KCTD6: variants seen among roughly 807,000 people sequenced by gnomAD.
The protein encoded by KCTD6 is BTB/POZ domain-containing protein KCTD6.
A neutral mutation model predicts 18.7 loss-of-function variants in KCTD6; 6 were observed. The ratio of observed to expected loss-of-function variants is 0.32; its 90% CI spans 0.18 to 0.63. KCTD6 has a LOEUF of 0.63. Ranked by LOEUF, KCTD6 falls within the 30% of genes least tolerant of loss-of-function variation. The pLI is 0.79. For missense variants in KCTD6, 165 were observed against 300.2 expected (o/e 0.55, Z 3.33); for synonymous variants, 86 against 108.5 (o/e 0.79, Z 1.29).
chr3:58,492,509 G>T lies in KCTD6; in HGVS notation c.-44+340G>T, dbSNP rs1008806229. Among the ~76,000 whole-genome samples the T allele has an allele frequency of 6.6e-6, 1 of 152,012 alleles. No individual in the cohort carries two copies. Among genetic ancestry groups the T allele is most frequent in the East Asian group, 1.9e-4 (1 of 5,168 alleles). ...CCCCTGGCCGGGTCGGGTTGCGGGG[G>T]CTTCGCTGGCGGGGCAGCAGCGAAG... On this transcript the variant is annotated intron_variant, in intron 1 of 2. Transcript: ENST00000404589. This position sits in a 1 kb window ranked among gnomAD's most constrained non-coding sequence, Gnocchi z 6.1.
At position 58,502,160 on chromosome 3, in the gene KCTD6, C is replaced by T. The variant is rs2063207764; in HGVS notation, c.*528C>T. The T allele has an allele frequency of 6.6e-6, 1 of 152,464 alleles. No homozygotes were observed. The highest frequency in any genetic ancestry group is 2.4e-5 in the African/African-American group (1 of 41,376). 9.4% of individuals were successfully genotyped at this position (152,464 alleles called of 1,614,324 possible). On this transcript the variant is annotated 3_prime_UTR_variant, in exon 3 of 3. Transcript: ENST00000404589. ...CTTTTTACAGTTATGACAACTGTTT[C>T]TTTCTATGCATATAAATCAAGGAAC...
Position 58,497,129 on chromosome 3 carries a change from G to A in KCTD6, c.-43-1584G>A, listed in dbSNP as rs1366544263. Among the ~76,000 whole-genome samples, 1 of 152,192 alleles carries A rather than the reference G, an allele frequency of 6.6e-6. No individual in the cohort carries two copies. The highest frequency in any genetic ancestry group is 2.4e-5 in the African/African-American group (1 of 41,458). The stretch of plus-strand genomic sequence containing the variant: ...ATTTCTCACCCCATAGCATGTGGAG[G>A]CCTGTCTATATCCAACTGCTGAGTG... On this transcript the variant is annotated intron_variant, in intron 1 of 2. Coordinates refer to ENST00000404589, the MANE Select transcript of KCTD6 (RefSeq NM_001128214.2). This position sits in a 1 kb window ranked among gnomAD's most constrained non-coding sequence, Gnocchi z 4.2.
chr3:58,495,300 G>C (rs1242971878), intron 1 of KCTD6, among the ~76,000 whole-genome samples: 1 of 152,104 alleles, frequency 6.6e-6, no homozygotes, highest in Non-Finnish European at 1.5e-5. Context: ...GTGCCAGAAG[G>C]GAGAGAAGAT....
rs1272466786 is a variant in KCTD6, at chr3:58,493,542, G to A, written c.-44+1373G>A. Among the ~76,000 whole-genome samples, 1 of 152,190 alleles carries A rather than the reference G, an allele frequency of 6.6e-6. No homozygotes were observed. The highest frequency in any genetic ancestry group is 1.5e-5 in the Non-Finnish European group (1 of 68,032). On this transcript the variant is annotated intron_variant, in intron 1 of 2. Transcript: ENST00000404589. The surrounding 1 kb of genome is among the most constrained non-coding windows in gnomAD (Gnocchi z 4.5). ...AAAGAAGTTCCTTCTGAGATCAGGA[G>A]CTCAGGTGTTTGGTGAACTCTGGGA... is the stretch of plus-strand genomic sequence containing the variant.
In KCTD6 at chr3:58,502,326, A is replaced by AC. The variant is rs1344188786; in HGVS notation, c.*694_*695insC. 8 of 152,554 alleles carry AC rather than the reference A, an allele frequency of 5.2e-5. No homozygotes were observed. Among genetic ancestry groups the AC allele is most frequent in the African/African-American group, 1.9e-4 (8 of 41,538 alleles). The allele number at this position is 152,554 out of a possible 1,614,324, so 9.5% of individuals were successfully genotyped here. A position where few individuals can be genotyped will look rare whatever the true frequency, so the allele number is the denominator to read the frequency against. ...AGTGTACTGTCTACCAGAAAAAAAAAACAAAACTAATAAAAAATGAAATAT... is the reference window on the plus strand; with the variant it reads ...AGTGTACTGTCTACCAGAAAAAAAAACACAAAACTAATAAAAAATGAAATAT... On this transcript the variant is annotated 3_prime_UTR_variant, in exon 3 of 3. Coordinates refer to ENST00000404589, the MANE Select transcript of KCTD6 (RefSeq NM_001128214.2).
intron 1 of KCTD6, chr3:58,494,179 GA>G (rs1008514912): frequency 6.6e-6 from 1 of 152,140 alleles, no homozygotes; most frequent in African/African-American, 2.4e-5. Context: ...AGGAGAAAGA[GA>G]AAATGATTAC....
rs546820355 is a variant in KCTD6 at position 58,501,675 on chromosome 3, A to C, written c.*43A>C. 8.1e-7 allele frequency: 1 copy of C among 1,227,086 alleles called. No individual in the cohort carries two copies. The highest frequency in any genetic ancestry group is 3.6e-5 in the South Asian group (1 of 28,056). The allele number at this position is 1,227,086 out of a possible 1,614,324, so 76.0% of individuals were successfully genotyped here. A position where few individuals can be genotyped will look rare whatever the true frequency, so the allele number is the denominator to read the frequency against. On this transcript the variant is annotated 3_prime_UTR_variant, in exon 3 of 3. Coordinates refer to ENST00000404589, the MANE Select transcript of KCTD6 (RefSeq NM_001128214.2). This position sits in a 1 kb window ranked among gnomAD's most constrained non-coding sequence, Gnocchi z 9.7. ...GGTTCCTGGAAAGACTCTCCAGGAAATGGAAGATACTGATTTTTTTTTTTA... is the reference window on the plus strand; with the variant it reads ...GGTTCCTGGAAAGACTCTCCAGGAACTGGAAGATACTGATTTTTTTTTTTA...
At position 58,496,863 on chromosome 3, in the gene KCTD6, C is replaced by G. The variant is rs1429461286; in HGVS notation, c.-43-1850C>G. On this transcript the variant is annotated intron_variant, in intron 1 of 2. Coordinates refer to ENST00000404589, the MANE Select transcript of KCTD6 (RefSeq NM_001128214.2). This position sits in a 1 kb window ranked among gnomAD's most constrained non-coding sequence, Gnocchi z 5.1. Reference sequence around the variant, plus strand: ...CTGAATGAATGATTATTGAGGCTGTCAGAATGAATACTTTGGGTGATGGGA... The same window carrying G: ...CTGAATGAATGATTATTGAGGCTGTGAGAATGAATACTTTGGGTGATGGGA... Among the ~76,000 whole-genome samples, 1 of 152,178 alleles carries G rather than the reference C, an allele frequency of 6.6e-6. No individual in the cohort carries two copies. The highest frequency in any genetic ancestry group is 1.9e-4 in the East Asian group (1 of 5,200).
At chr3:58,500,586 G>GA (rs1056278666) in intron 2 of KCTD6, among the ~76,000 whole-genome samples, 1 of 151,834 alleles carries the variant, frequency 6.6e-6, no homozygotes, top group African/African-American at 2.4e-5. Context: ...AAAAAAATCA[G>GA]AAAAAAATAA....
At position 58,498,883 on chromosome 3, in the gene KCTD6, T is replaced by G; in HGVS notation, c.27+101T>G. 2.1e-6 allele frequency: 2 copies of G among 948,234 alleles called. No homozygotes were observed. Among genetic ancestry groups the G allele is most frequent in the Non-Finnish European group, 3.2e-6 (2 of 616,970 alleles). 58.7% of individuals were successfully genotyped at this position (948,234 alleles called of 1,614,324 possible). A position where few individuals can be genotyped will look rare whatever the true frequency, so the allele number is the denominator to read the frequency against. ...AGGTATATCTTATAAGAAAAGAAAA[T>G]TGTGAATTTGTGTAACCTCTCTTCC... is the stretch of plus-strand genomic sequence containing the variant. On this transcript the variant is annotated intron_variant, in intron 2 of 2. Transcript: ENST00000404589. This position sits in a 1 kb window ranked among gnomAD's most constrained non-coding sequence, Gnocchi z 4.6.
At chr3:58,495,064 C>T (rs918237268) in intron 1 of KCTD6, among the ~76,000 whole-genome samples, 3 of 152,114 alleles carry the variant, frequency 2.0e-5, no homozygotes, top group Non-Finnish European at 4.4e-5. Context: ...TGTTTGTGCT[C>T]GGTTGCATTT....
At chr3:58,500,775 C>T (rs2063201366) in intron 2 of KCTD6, among the ~76,000 whole-genome samples, 171 bp from the exon 3 acceptor site, 1 of 152,062 alleles carries the variant, frequency 6.6e-6, no homozygotes, top group South Asian at 2.1e-4. Context: ...TAGATCACTT[C>T]ATCTGGGTGG....
Position 58,498,466 on chromosome 3 carries a change from AG to A in KCTD6, c.-43-246del, listed in dbSNP as rs1478259567. ...TTCCTCCTTCTCTTAAGTACAGTAT[AG>A]TTCTTTCTCTGAAAATCTTCAGTCT... On this transcript the variant is annotated intron_variant, in intron 1 of 2. Transcript: ENST00000404589. The surrounding 1 kb of genome is among the most constrained non-coding windows in gnomAD (Gnocchi z 4.6). 1 of 417,578 alleles carries A rather than the reference AG, an allele frequency of 2.4e-6. No homozygotes were observed. Among genetic ancestry groups the A allele is most frequent in the East Asian group, 4.9e-5 (1 of 20,506 alleles). The allele number at this position is 417,578 out of a possible 1,614,324, so 25.9% of individuals were successfully genotyped here.
In KCTD6 at chr3:58,501,236, T is replaced by A; in HGVS notation, c.318T>A (p.Asn106Lys). 6.2e-7 allele frequency: 1 copy of A among 1,614,202 alleles called. No individual in the cohort carries two copies. Among genetic ancestry groups the A allele is most frequent in the Non-Finnish European group, 8.5e-7 (1 of 1,180,038 alleles). Residue 106 changes from asparagine (N) to lysine (K), a missense_variant, in exon 3 of 3, where the codon AAT becomes AAA. Physicochemically the swap from Asn to Lys is moderately conservative, Grantham distance 94 (BLOSUM62 0). This residue lies in a region of KCTD6 where 106 missense variants were observed against 230.4 expected (regional missense o/e 0.46). Transcript: ENST00000404589. The surrounding 1 kb of genome is among the most constrained non-coding windows in gnomAD (Gnocchi z 9.7). Reference protein sequence around the residue: ...YQIEPLIQCLNDPKPLYPMDT... With the variant: ...YQIEPLIQCLKDPKPLYPMDT... ...TTGAGCCCTTGATTCAGTGTCTCAA[T>A]GATCCTAAGCCTTTGTATCCCATGG...
Position 58,492,379 on chromosome 3 carries a change from C to T in KCTD6, c.-44+210C>T, listed in dbSNP as rs927364549. 2.7e-5 allele frequency among the ~76,000 whole-genome samples: 4 copies of T among 150,044 alleles called. No homozygotes were observed. Among genetic ancestry groups the T allele is most frequent in the East Asian group, 3.9e-4 (2 of 5,096 alleles). ...GGAGGTGCCCGCGGCGGGGCCTGGG[C>T]GGGGGTTCCGGGGCCCGCCCGGCGG... On this transcript the variant is annotated intron_variant, in intron 1 of 2. Coordinates refer to ENST00000404589, the MANE Select transcript of KCTD6 (RefSeq NM_001128214.2). The surrounding 1 kb of genome is among the most constrained non-coding windows in gnomAD (Gnocchi z 6.1).
In KCTD6 at chr3:58,496,029, A is replaced by G. The variant is rs1273856390; in HGVS notation, c.-43-2684A>G. 6.6e-6 allele frequency among the ~76,000 whole-genome samples: 1 copy of G among 152,088 alleles called. No individual in the cohort carries two copies. Among genetic ancestry groups the G allele is most frequent in the Non-Finnish European group, 1.5e-5 (1 of 67,992 alleles). On this transcript the variant is annotated intron_variant, in intron 1 of 2. Transcript: ENST00000404589. The surrounding 1 kb of genome is among the most constrained non-coding windows in gnomAD (Gnocchi z 5.1). ...CCTTGTCTTTGATCTTCTGTTTCTC[A>G]TTTAATCATTTGGATATTCACGGAT...
Position 58,498,654 on chromosome 3 carries a change from T to G in KCTD6, c.-43-59T>G. On this transcript the variant is annotated intron_variant, in intron 1 of 2. Transcript: ENST00000404589. The surrounding 1 kb of genome is among the most constrained non-coding windows in gnomAD (Gnocchi z 4.6). ...CTCCTCTGTTGGGTGGAAAAAGACTTTCTTCTCTATTTTCCTAGTTATATA... is the reference window on the plus strand; with the variant it reads ...CTCCTCTGTTGGGTGGAAAAAGACTGTCTTCTCTATTTTCCTAGTTATATA... 1.1e-6 allele frequency: 1 copy of G among 918,416 alleles called. No individual in the cohort carries two copies. Among genetic ancestry groups the G allele is most frequent in the Non-Finnish European group, 1.8e-6 (1 of 561,948 alleles). The allele number at this position is 918,416 out of a possible 1,614,324, so 56.9% of individuals were successfully genotyped here.
Position 58,498,554 on chromosome 3 carries a change from T to G in KCTD6, c.-43-159T>G. 1.7e-6 allele frequency: 1 copy of G among 592,916 alleles called. No individual in the cohort carries two copies. Among genetic ancestry groups the G allele is most frequent in the South Asian group, 2.2e-5 (1 of 45,034 alleles). 36.7% of individuals were successfully genotyped at this position (592,916 alleles called of 1,614,324 possible). On this transcript the variant is annotated intron_variant, in intron 1 of 2. Transcript: ENST00000404589. This position sits in a 1 kb window ranked among gnomAD's most constrained non-coding sequence, Gnocchi z 4.6. ...GGACATGTAGAAGGCCCTAGGGGAA[T>G]GCTTTCTTCCCCAGATCTTTGCCCT...
At chr3:58,494,176 A>G (rs187145695) in intron 1 of KCTD6, 3 of 149,976 alleles carry the variant, frequency 2.0e-5, no homozygotes, top group African/African-American at 7.2e-5. Flanking sequence ...GAAAGGAGAA[A>G]GAGAAAATGA....
Sources: allele counts gnomAD v4.1 joint callset (sites outside exome capture counted in the v4.1 genomes callset), GRCh38; gene constraint gnomAD v4.1.1; regional missense constraint gnomAD v4.1.1; non-coding constraint Gnocchi (gnomAD v3.1); transcripts MANE v1.5; gene names NCBI Gene and HGNC (gene_info 2026-07-23, HGNC 2026-07-21).